Variants in C2CD4D observed in about 807,000 individuals in gnomAD.
The protein encoded by C2CD4D is C2 calcium-dependent domain-containing protein 4D.
In C2CD4D, 1 loss-of-function variant was observed where a neutral mutation model predicts 0.2. That is an observed-to-expected ratio of 4.00 (90% CI 1.42 to 18.99). C2CD4D has a LOEUF of 18.99. Among genes scored for constraint, C2CD4D ranks in the 30% most tolerant of loss-of-function variants. C2CD4D has a pLI of 0.11. For synonymous variants in C2CD4D, 269 were observed against 279.8 expected (o/e 0.96, Z 0.39); for missense variants, 552 against 551.2 (o/e 1.00, Z -0.01).
Position 151,838,844 on chromosome 1 carries a change from G to A in C2CD4D, c.146C>T (p.Pro49Leu), listed in dbSNP as rs900793190. 2.0e-6 allele frequency: 3 copies of A among 1,505,814 alleles called. No homozygotes were observed. The highest frequency in any genetic ancestry group is 1.5e-5 in the African/African-American group (1 of 68,446). 93.3% of individuals were successfully genotyped at this position (1,505,814 alleles called of 1,614,324 possible). The stretch of plus-strand genomic sequence containing the variant: ...GAGCCGAGGCGGGATGAAGAACTGC[G>A]GGATGCGATCCGGGGTGAGGACGTT... Residue 49 changes from proline (P) to leucine (L), a missense_variant, in exon 2 of 2, where the codon CCG (proline) becomes CTG (leucine). Physicochemically the swap from Pro to Leu is moderately conservative, Grantham distance 98. Transcript: ENST00000454109.
chr1:151,838,102 G>A (rs541112100), exon 2 of C2CD4D: 33 of 1,551,418 alleles, frequency 2.1e-5, no homozygotes, highest in Non-Finnish European at 2.7e-5. Flanking sequence ...GGTCCGGGGG[G>A]CCGAGCCCGT....
chr1:151,837,975 C>T (rs961008036), exon 2 of C2CD4D: 3 of 1,549,206 alleles, frequency 1.9e-6, no homozygotes, highest in Non-Finnish European at 2.6e-6. Flanking sequence ...GGACCTAGTC[C>T]CCCACCCAGC....
chr1:151,838,625 T>C, exon 2 of C2CD4D: 1 of 1,316,672 alleles, frequency 7.6e-7, no homozygotes, highest in South Asian at 2.1e-5. Context: ...CAGCCGGGAC[T>C]GCGCCGCGGG....
chr1:151,838,569 C>G, exon 2 of C2CD4D: 1 of 1,316,334 alleles, frequency 7.6e-7, no homozygotes, highest in Non-Finnish European at 9.6e-7. Flanking sequence ...GAGGCCGTGT[C>G]GCTGTCGGGG....
At chr1:151,838,915 C>G (rs1469564229) in exon 2 of C2CD4D, 1 of 1,548,980 alleles carries the variant, frequency 6.5e-7, no homozygotes, top group Non-Finnish European at 8.7e-7. Flanking sequence ...GCTTGGAGAA[C>G]AGGCCGGAAG....
At position 151,839,832 on chromosome 1, in the gene C2CD4D, C is replaced by A. The variant is rs1652731101; in HGVS notation, c.-232+371G>T. 6.6e-6 allele frequency among the ~76,000 whole-genome samples: 1 copy of A among 152,178 alleles called. No homozygotes were observed. The highest frequency in any genetic ancestry group is 2.4e-5 in the African/African-American group (1 of 41,414). Reference sequence around the variant, plus strand: ...CGCATCCCGCGTCTGCAGGGCGGGGCCGGGCCGTTGGGTCGCCCCTCCTAC... The same window carrying A: ...CGCATCCCGCGTCTGCAGGGCGGGGACGGGCCGTTGGGTCGCCCCTCCTAC... On this transcript the variant is annotated intron_variant, in intron 1 of 1. Transcript: ENST00000454109.
exon 2 of C2CD4D, chr1:151,837,833 A>G (rs1652616906): frequency 1.4e-6 from 2 of 1,440,116 alleles, no homozygotes; most frequent in South Asian, 1.5e-5. Context: ...ACAAGGGGAC[A>G]TTTTATTAGC....
At chr1:151,839,030 G>T (rs1652691851) in exon 2 of C2CD4D, 17 of 1,543,746 alleles carry the variant, frequency 1.1e-5, no homozygotes, top group Non-Finnish European at 1.5e-5. Flanking sequence ...CCGCAGGGCC[G>T]AGAGGGTCCA....
At chr1:151,838,435 G>C in exon 2 of C2CD4D, 1 of 1,419,680 alleles carries the variant, frequency 7.0e-7, no homozygotes, top group Non-Finnish European at 9.2e-7. Context: ...GCCCGGCGCG[G>C]CGCGGCGAGT....
At chr1:151,840,465 AATC>A (rs1652755807) in exon 1 of C2CD4D, 1 of 152,304 alleles carries the variant, frequency 6.6e-6, no homozygotes, top group South Asian at 2.1e-4. Context: ...TCCTGGTTGA[AATC>A]CTGCCTTGGC....
chr1:151,838,576 G>C, exon 2 of C2CD4D: 1 of 1,317,056 alleles, frequency 7.6e-7, no homozygotes. Flanking sequence ...TGTCGCTGTC[G>C]GGGGCCCGGC....
At chr1:151,840,438 C>T (rs909079547) in exon 1 of C2CD4D, 2 of 152,336 alleles carry the variant, frequency 1.3e-5, no homozygotes, top group African/African-American at 2.4e-5. Flanking sequence ...AGGTGAAGTC[C>T]ATCTTCTGTA....
exon 2 of C2CD4D, chr1:151,838,298 G>A: frequency 7.2e-7 from 1 of 1,381,500 alleles, no homozygotes; most frequent in Non-Finnish European, 9.4e-7. Context: ...CAGCCGCCCG[G>A]GCCCGGCCTG....
intron 1 of C2CD4D, 77 bp from the exon 2 acceptor site, chr1:151,839,297 T>G: frequency 2.3e-6 from 1 of 430,240 alleles, no homozygotes; most frequent in Non-Finnish European, 4.2e-6. Flanking sequence ...AGTACACAGA[T>G]TCTCCCACTG....
exon 2 of C2CD4D, chr1:151,837,855 C>A: frequency 7.0e-7 from 1 of 1,435,572 alleles, no homozygotes; most frequent in South Asian, 1.5e-5. Context: ...AAAATAAATA[C>A]AAGCCGGGCA....
At position 151,838,004 on chromosome 1, in the gene C2CD4D, AG is replaced by A. The variant is rs1347136751; in HGVS notation, c.985del (p.Leu329SerfsTer12). The A allele has an allele frequency of 3.2e-6, 5 of 1,551,068 alleles. No individual in the cohort carries two copies. Among genetic ancestry groups the A allele is most frequent in the East Asian group, 2.4e-5 (1 of 40,906 alleles). On this transcript the variant is annotated frameshift_variant, in exon 2 of 2. Coordinates refer to ENST00000454109, the Ensembl canonical transcript of C2CD4D. LOFTEE classifies it high-confidence loss of function. ...ACCCAGCGGGGGCAGCAGCGCAATG[AG>A]GGGCGTCTCGCACTCCCCCAGCAGC...
exon 2 of C2CD4D, chr1:151,839,081 G>A: frequency 1.4e-6 from 2 of 1,425,248 alleles, no homozygotes; most frequent in South Asian, 1.3e-5. Context: ...AGCGGGGCTG[G>A]GCGAGGAGCG....
At chr1:151,838,377 G>A (rs1484381187) in exon 2 of C2CD4D, 5 of 1,434,526 alleles carry the variant, frequency 3.5e-6, no homozygotes, top group Admixed American at 2.9e-5. Flanking sequence ...CGCGTGGGCC[G>A]CAGCTGGCAG....
chr1:151,838,317 TG>T lies in C2CD4D; in HGVS notation c.672del (p.Thr225ProfsTer14). On this transcript the variant is annotated frameshift_variant, in exon 2 of 2. Transcript: ENST00000454109. LOFTEE classifies it low-confidence loss of function (END_TRUNC). ...CGCCCGGGCCCGGCCTGATATTCGG[TG>T]GAGAGCCGCAGCTGCCCGCCGCGGG... 1 of 1,407,276 alleles carries T rather than the reference TG, an allele frequency of 7.1e-7. No homozygotes were observed. The highest frequency in any genetic ancestry group is 1.5e-5 in the South Asian group (1 of 64,584). 87.2% of individuals were successfully genotyped at this position (1,407,276 alleles called of 1,614,324 possible).
Sources: gnomAD v4.1 joint callset for allele counts (sites outside exome capture counted in the v4.1 genomes callset) on GRCh38, gnomAD v4.1.1 for gene constraint, MANE v1.5 for transcripts, NCBI Gene and HGNC (gene_info 2026-07-23, HGNC 2026-07-21) for gene names.